Variants in EMCN observed in about 807,000 individuals in gnomAD.
EMCN encodes MUC-14.
EMCN carries 37 observed loss-of-function variants against 38.4 expected under a neutral mutation model. That is an observed-to-expected ratio of 0.96 (90% CI 0.74 to 1.27). The LOEUF (loss-of-function observed/expected upper bound fraction) is 1.27. Ranked by LOEUF, EMCN falls within the 50% of genes most tolerant of loss-of-function variation. EMCN has a pLI of 0.00. For missense variants in EMCN, 318 were observed against 302.8 expected, an observed-to-expected ratio of 1.05 and a Z score of -0.37; for synonymous variants, 95 against 100.8, an observed-to-expected ratio of 0.94 and a Z score of 0.35.
intron 1 of EMCN, among the ~76,000 whole-genome samples, chr4:100,502,252 A>G (rs949487129): frequency 6.6e-6 from 1 of 152,180 alleles, no homozygotes; most frequent in South Asian, 2.1e-4. Context: ...GGCTGGGGCC[A>G]TGTTACCTGC....
chr4:100,402,586 C>A (rs2110204175), intron 11 of EMCN, among the ~76,000 whole-genome samples: 1 of 152,198 alleles, frequency 6.6e-6, no homozygotes, highest in East Asian at 1.9e-4. Context: ...TGTTTCTTCC[C>A]ATTACTTTCT....
intron 1 of EMCN, among the ~76,000 whole-genome samples, chr4:100,496,869 G>A (rs773343717): frequency 6.6e-6 from 1 of 152,130 alleles, no homozygotes; most frequent in East Asian, 1.9e-4. Context: ...TGGAAATATT[G>A]CTCTAGATAA....
chr4:100,465,579 C>A, intron 3 of EMCN, 40 bp from the exon 4 acceptor site: 2 of 1,063,580 alleles, frequency 1.9e-6, no homozygotes, highest in South Asian at 1.8e-5. Context: ...TATAACAAAT[C>A]ACCAGATCAT....
chr4:100,424,793 C>T (rs533153143), intron 5 of EMCN, among the ~76,000 whole-genome samples: 48 of 152,076 alleles, frequency 3.2e-4, no homozygotes, highest in African/African-American at 1.1e-3. Context: ...AGGATGAATG[C>T]TCTTTCAGTT....
chr4:100,425,357 TG>T (rs1727018115), intron 5 of EMCN, among the ~76,000 whole-genome samples: 1 of 117,200 alleles, frequency 8.5e-6, no homozygotes, highest in South Asian at 2.7e-4. Flanking sequence ...CAGAGCCTGA[TG>T]ATCTACACAG....
intron 1 of EMCN, among the ~76,000 whole-genome samples, chr4:100,506,620 ATTG>A (rs1376470065): frequency 6.6e-6 from 1 of 152,044 alleles, no homozygotes; most frequent in Non-Finnish European, 1.5e-5. Flanking sequence ...TATTGTTGTT[ATTG>A]TTGTTTTGCA....
At chr4:100,489,946 A>T (rs898029244) in intron 1 of EMCN, among the ~76,000 whole-genome samples, 1 of 152,140 alleles carries the variant, frequency 6.6e-6, no homozygotes, top group Non-Finnish European at 1.5e-5. Flanking sequence ...CTATTTATTT[A>T]AAAAAAGATG....
intron 1 of EMCN, among the ~76,000 whole-genome samples, chr4:100,499,635 G>A (rs186020247): frequency 5.9e-5 from 9 of 152,318 alleles, no homozygotes; most frequent in African/African-American, 2.2e-4. Flanking sequence ...TTGGGCTTCA[G>A]AAGACAGCCT....
At chr4:100,421,193 C>T in intron 8 of EMCN, 89 bp downstream of exon 8, 2 of 1,152,032 alleles carry the variant, frequency 1.7e-6, no homozygotes, top group Non-Finnish European at 2.6e-6. Context: ...CTTTCTATAA[C>T]TTTTCTCTCC....
At chr4:100,449,430 G>A (rs1727777132) in intron 4 of EMCN, among the ~76,000 whole-genome samples, 1 of 152,054 alleles carries the variant, frequency 6.6e-6, no homozygotes, top group Non-Finnish European at 1.5e-5. Flanking sequence ...TCAGTAAAAT[G>A]GACAGCTTTT....
intron 10 of EMCN, among the ~76,000 whole-genome samples, chr4:100,410,612 C>A (rs549182791): frequency 6.6e-6 from 1 of 151,548 alleles, no homozygotes; most frequent in South Asian, 2.1e-4. Flanking sequence ...GCAGTGGGGG[C>A]GGGGATGTGA....
chr4:100,425,287 A>G (rs1157132988), intron 5 of EMCN, among the ~76,000 whole-genome samples: 3 of 151,940 alleles, frequency 2.0e-5, no homozygotes, highest in Non-Finnish European at 4.4e-5. Flanking sequence ...GGCTGAATCC[A>G]TAAAACATGA....
At chr4:100,441,736 T>A (rs1727522800) in intron 5 of EMCN, among the ~76,000 whole-genome samples, 2 of 152,220 alleles carry the variant, frequency 1.3e-5, no homozygotes. Context: ...TTTAAGCAGA[T>A]AATAACTTAA....
At chr4:100,442,481 CTGTCTCTTTCTT>C (rs1365161161) in intron 5 of EMCN, among the ~76,000 whole-genome samples, 1 of 152,104 alleles carries the variant, frequency 6.6e-6, no homozygotes, top group African/African-American at 2.4e-5. Context: ...AATAAGCTTT[CTGTCTCTTTCTT>C]TGTCTCTTTT....
chr4:100,435,580 G>A (rs888177474), intron 5 of EMCN, among the ~76,000 whole-genome samples: 11 of 152,042 alleles, frequency 7.2e-5, no homozygotes, highest in Admixed American at 2.0e-4. Context: ...GCAATCCTCA[G>A]CAAAAAAGAA....
intron 1 of EMCN, among the ~76,000 whole-genome samples, chr4:100,506,323 T>G (rs1560645336): frequency 2.0e-5 from 3 of 152,034 alleles, no homozygotes; most frequent in Admixed American, 1.3e-4. Flanking sequence ...ATCCATTGAG[T>G]CACCACAAAC....
intron 5 of EMCN, among the ~76,000 whole-genome samples, chr4:100,426,436 C>T (rs1727047940): frequency 6.6e-6 from 1 of 152,114 alleles, no homozygotes; most frequent in Admixed American, 6.6e-5. Context: ...GCTCAGCATC[C>T]CCGTTCTCTC....
At chr4:100,470,384 A>AAAAG (rs1284112838) in intron 3 of EMCN, among the ~76,000 whole-genome samples, 1 of 151,558 alleles carries the variant, frequency 6.6e-6, no homozygotes, top group Non-Finnish European at 1.5e-5. Flanking sequence ...ATGTTAAAAA[A>AAAAG]AAAAACAGGT....
rs191557561 is a variant in EMCN, at chr4:100,439,141, T to C, written c.415+8392A>G. Among the ~76,000 whole-genome samples, 349 of 152,242 alleles carry C rather than the reference T, an allele frequency of 2.3e-3. 2 individuals are homozygous for C. Among genetic ancestry groups the C allele is most frequent in the Non-Finnish European group, 3.5e-3 (241 of 67,928 alleles). Reference sequence around the variant, plus strand: ...GGTCCTTATAAAATGTGGTTGGAACTATTCATTCTACCTCTATTTTGTTTA... The same window carrying C: ...GGTCCTTATAAAATGTGGTTGGAACCATTCATTCTACCTCTATTTTGTTTA... On this transcript the variant is annotated intron_variant, in intron 5 of 11. Coordinates refer to ENST00000296420, the MANE Select transcript of EMCN (RefSeq NM_016242.4).
Sources: allele counts gnomAD v4.1 joint callset (sites outside exome capture counted in the v4.1 genomes callset), GRCh38; gene constraint gnomAD v4.1.1; transcripts MANE v1.5; gene names NCBI Gene and HGNC (gene_info 2026-07-23, HGNC 2026-07-21).